Variants in GRK5 observed in about 807,000 individuals in gnomAD.
GRK5 encodes the protein G protein-coupled receptor kinase 5, also known as g protein-coupled receptor kinase GRK5.
GRK5 carries 40 observed loss-of-function variants against 78.4 expected under a neutral mutation model. That is an observed-to-expected ratio of 0.51 (90% CI 0.40 to 0.66). The LOEUF (loss-of-function observed/expected upper bound fraction) is 0.66, where lower values mean the gene tolerates loss of function less well. GRK5 is among the 30% of genes least tolerant of loss of function. The pLI is 0.00. For synonymous variants in GRK5, 289 were observed against 296.8 expected (o/e 0.97, Z 0.27); for missense variants, 598 against 759.9 (o/e 0.79, Z 2.50).
At chr10:119,263,631 A>T (rs1319564446) in intron 1 of GRK5, among the ~76,000 whole-genome samples, 5 of 152,050 alleles carry the variant, frequency 3.3e-5, no homozygotes, top group African/African-American at 1.2e-4. Context: ...CAAGTATTAA[A>T]ACCTAGTTGA....
intron 1 of GRK5, among the ~76,000 whole-genome samples, chr10:119,257,980 T>C (rs920011229): frequency 6.6e-6 from 1 of 152,202 alleles, no homozygotes; most frequent in African/African-American, 2.4e-5. Flanking sequence ...TACAGTAACA[T>C]CTGCCTCTTA....
chr10:119,410,044 C>T (rs1852308344), intron 4 of GRK5, among the ~76,000 whole-genome samples: 1 of 152,268 alleles, frequency 6.6e-6, no homozygotes, highest in Admixed American at 6.5e-5. Flanking sequence ...GTCCCGCGAG[C>T]CCCCGCGTGC....
At chr10:119,257,269 A>G (rs1849303888) in intron 1 of GRK5, among the ~76,000 whole-genome samples, 1 of 152,202 alleles carries the variant, frequency 6.6e-6, no homozygotes. Flanking sequence ...GTATTTTGAC[A>G]TGTTTTCCAA....
At chr10:119,364,458 G>A (rs956097991) in intron 2 of GRK5, among the ~76,000 whole-genome samples, 2 of 152,190 alleles carry the variant, frequency 1.3e-5, no homozygotes, top group African/African-American at 4.8e-5. Context: ...TCCTGGTGGT[G>A]GTTGCTTGGG....
intron 1 of GRK5, among the ~76,000 whole-genome samples, chr10:119,318,756 G>C (rs1850534208): frequency 6.6e-6 from 1 of 152,008 alleles, no homozygotes; most frequent in Admixed American, 6.6e-5. Context: ...CCCATCCTCA[G>C]CTTCTCCCTT....
intron 8 of GRK5, among the ~76,000 whole-genome samples, chr10:119,435,087 A>C (rs1176537240): frequency 2.0e-5 from 3 of 152,176 alleles, no homozygotes. Context: ...GGCACTGGGC[A>C]CCAAGTCCCT....
rs902346790 is a variant in GRK5, at chr10:119,218,168, T to C, written c.52+10199T>C. Among the ~76,000 whole-genome samples, 4 of 152,048 alleles carry C rather than the reference T, an allele frequency of 2.6e-5. 1 individual carries two copies. Among genetic ancestry groups the C allele is most frequent in the Admixed American group, 2.6e-4 (4 of 15,268 alleles). On this transcript the variant is annotated intron_variant, in intron 1 of 15. Coordinates refer to ENST00000392870, the MANE Select transcript of GRK5 (RefSeq NM_005308.3). Reference sequence around the variant, plus strand: ...GAGGCAAGGGAGTGTATAAGAGCCATGCACTTCCTTGGGGGTCCACAGTCA... The same window carrying C: ...GAGGCAAGGGAGTGTATAAGAGCCACGCACTTCCTTGGGGGTCCACAGTCA...
intron 2 of GRK5, among the ~76,000 whole-genome samples, chr10:119,345,337 G>T (rs1309346990): frequency 6.6e-6 from 1 of 152,180 alleles, no homozygotes; most frequent in African/African-American, 2.4e-5. Context: ...CATGAGAGGA[G>T]TGGTTCCCAG....
chr10:119,453,113 C>CGGCCTGTGTTTT, intron 14 of GRK5, 32 bp from the exon 15 acceptor site: 1 of 1,380,526 alleles, frequency 7.2e-7, no homozygotes, highest in Non-Finnish European at 1.0e-6. Context: ...CCCCAGTTGA[C>CGGCCTGTGTTTT]GGCCTGTGTT....
chr10:119,222,781 C>T (rs978226862), intron 1 of GRK5, among the ~76,000 whole-genome samples: 15 of 152,230 alleles, frequency 9.9e-5, no homozygotes, highest in African/African-American at 2.9e-4. Context: ...GCTGAGGCTA[C>T]GGGCTCCGTG....
chr10:119,359,912 G>GC lies in GRK5; in HGVS notation c.149-20902dup, dbSNP rs1851331053. On this transcript the variant is annotated intron_variant, in intron 2 of 15. Transcript: ENST00000392870. Reference sequence around the variant, plus strand: ...TGAGTGAGGTCGTAGTGGGTACCTGGCTAGCAGGCTGAAGGGAGGTTGAGG... The same window carrying GC: ...TGAGTGAGGTCGTAGTGGGTACCTGGCCTAGCAGGCTGAAGGGAGGTTGAGG... Among the ~76,000 whole-genome samples the GC allele has an allele frequency of 2.0e-5, 3 of 152,250 alleles. No homozygotes were observed. In the South Asian group the frequency reaches 6.2e-4, roughly 32 times the overall value.
At chr10:119,212,822 A>G (rs1848509886) in intron 1 of GRK5, 1 of 152,214 alleles carries the variant, frequency 6.6e-6, no homozygotes, top group Admixed American at 6.5e-5. Flanking sequence ...TACAGCCCTC[A>G]GCACCCATTT....
At chr10:119,234,477 C>G (rs899342508) in intron 1 of GRK5, among the ~76,000 whole-genome samples, 1 of 152,118 alleles carries the variant, frequency 6.6e-6, no homozygotes. Flanking sequence ...GGAATCTTGC[C>G]CAAGTTCCAC....
intron 12 of GRK5, among the ~76,000 whole-genome samples, chr10:119,447,607 C>T (rs1853179623): frequency 6.6e-6 from 1 of 152,148 alleles, no homozygotes; most frequent in African/African-American, 2.4e-5. Flanking sequence ...ATGCCCCCTG[C>T]CCCCGGGGTG....
chr10:119,302,513 G>C (rs910990922), intron 1 of GRK5, among the ~76,000 whole-genome samples: 1 of 152,174 alleles, frequency 6.6e-6, no homozygotes, highest in African/African-American at 2.4e-5. Flanking sequence ...TTCTTCGCAG[G>C]CTGCATAGGG....
intron 1 of GRK5, among the ~76,000 whole-genome samples, chr10:119,208,213 C>T (rs917077957): frequency 9.8e-5 from 15 of 152,356 alleles, no homozygotes; most frequent in East Asian, 3.9e-4. Context: ...TCCTAGTTTC[C>T]AGCGCTCGCC....
chr10:119,225,731 C>T (rs1037559541), intron 1 of GRK5, among the ~76,000 whole-genome samples: 2 of 149,482 alleles, frequency 1.3e-5, no homozygotes, highest in African/African-American at 2.5e-5. Context: ...AGTGCAATGG[C>T]GCGATCTTGG....
Position 119,443,649 on chromosome 10 carries a change from G to T in GRK5, c.1163G>T (p.Arg388Leu), listed in dbSNP as rs751146861. 2 of 1,613,560 alleles carry T rather than the reference G, an allele frequency of 1.2e-6. No individual in the cohort carries two copies. The highest frequency in any genetic ancestry group is 1.1e-5 in the South Asian group (1 of 91,084). The change falls in exon 12 of 16, where the codon CGC (arginine) becomes CTC (leucine). Residue 388 changes from arginine (R) to leucine (L), a missense_variant. Coordinates refer to ENST00000392870, the MANE Select transcript of GRK5 (RefSeq NM_005308.3). ...GAGGGCCAGTCGCCGTTCCGCGGCC[G>T]CAAGGAGAAGGTGAAGCGGGAGGAG... ...MIEGQSPFRG[R>L]KEKVKREEVD...
At chr10:119,354,071 T>A (rs1015356142) in intron 2 of GRK5, among the ~76,000 whole-genome samples, 1 of 151,840 alleles carries the variant, frequency 6.6e-6, no homozygotes, top group Non-Finnish European at 1.5e-5. Flanking sequence ...TAAAATCTGA[T>A]AAGTTCTGAA....
Sources: allele counts gnomAD v4.1 joint callset (sites outside exome capture counted in the v4.1 genomes callset), GRCh38; gene constraint gnomAD v4.1.1; transcripts MANE v1.5; gene names NCBI Gene and HGNC (gene_info 2026-07-23, HGNC 2026-07-21).